The following PCLO variants were observed in gnomAD, a reference collection of about 807,000 sequenced individuals.
PCLO encodes protein piccolo.
In PCLO, 82 loss-of-function variants were observed where a neutral mutation model predicts 427.5. The ratio of observed to expected loss-of-function variants is 0.19; its 90% CI spans 0.16 to 0.23. The LOEUF (loss-of-function observed/expected upper bound fraction) is 0.23. PCLO is among the 10% of genes least tolerant of loss of function. PCLO has a pLI of 1.00. For synonymous variants in PCLO, 2,357 were observed against 2,155.4 expected (o/e 1.09, Z -2.59); for missense variants, 6,239 against 6,115.9 (o/e 1.02, Z -0.67).
chr7:82,930,948 T>C (rs1324182706), intron 6 of PCLO, among the ~76,000 whole-genome samples: 1 of 152,080 alleles, frequency 6.6e-6, no homozygotes, highest in Admixed American at 6.6e-5. Flanking sequence ...ATATGAAAAG[T>C]TATATCTGGC....
intron 3 of PCLO, among the ~76,000 whole-genome samples, chr7:82,986,140 G>A (rs1796250438): frequency 6.6e-6 from 1 of 151,812 alleles, no homozygotes; most frequent in Admixed American, 6.6e-5. Flanking sequence ...CAAGAAGGAT[G>A]AATGAGAAAA....
intron 3 of PCLO, among the ~76,000 whole-genome samples, chr7:83,109,207 C>T (rs1262163955): frequency 6.6e-6 from 1 of 152,108 alleles, no homozygotes; most frequent in Non-Finnish European, 1.5e-5. Flanking sequence ...AGAAAAAATG[C>T]CTACAATTTT....
chr7:82,805,706 A>C lies in PCLO; in HGVS notation c.14915T>G (p.Leu4972Arg). The change falls in exon 21 of 25, where the codon CTA (leucine) becomes CGA (arginine). Residue 4972 changes from leucine to arginine, a missense_variant. Physicochemically the swap from Leu to Arg is moderately radical, Grantham distance 102. Transcript: ENST00000333891. ...CACTTACATCCTCGGAATAGGAAAT[A>C]GATTAGTCTCCCCTGCAGTGCTGCT... ...GSSSTAGETN[L>R]FPIPRIGKMG... 1 of 1,613,024 alleles carries C rather than the reference A, an allele frequency of 6.2e-7. No homozygotes were observed. The highest frequency in any genetic ancestry group is 8.5e-7 in the Non-Finnish European group (1 of 1,179,508).
intron 22 of PCLO, among the ~76,000 whole-genome samples, chr7:82,784,693 T>C (rs573376130): frequency 6.6e-6 from 1 of 152,376 alleles, no homozygotes; most frequent in Non-Finnish European, 1.5e-5. Flanking sequence ...TGTATTTGTT[T>C]ACATGAATGT....
chr7:83,079,688 T>C (rs1162813599), intron 3 of PCLO, among the ~76,000 whole-genome samples: 1 of 152,056 alleles, frequency 6.6e-6, no homozygotes, highest in Non-Finnish European at 1.5e-5. Flanking sequence ...TTAAATAAAA[T>C]TACATAATGA....
At chr7:83,102,703 C>T (rs1300420253) in intron 3 of PCLO, among the ~76,000 whole-genome samples, 1 of 151,840 alleles carries the variant, frequency 6.6e-6, no homozygotes, top group Non-Finnish European at 1.5e-5. Context: ...AATCAATACA[C>T]ATTGGATACA....
chr7:82,862,566 CAAAA>C (rs36075501), intron 10 of PCLO, among the ~76,000 whole-genome samples: 2 of 92,232 alleles, frequency 2.2e-5, no homozygotes, highest in Non-Finnish European at 2.1e-5. Flanking sequence ...GACTCTGCCT[CAAAA>C]AAAAAAAAAA....
intron 3 of PCLO, among the ~76,000 whole-genome samples, chr7:82,983,563 T>C (rs1412291751): frequency 4.7e-5 from 7 of 150,030 alleles, no homozygotes; most frequent in Non-Finnish European, 1.0e-4. Context: ...ATATTACAGA[T>C]CTAGCTAAAA....
chr7:82,914,067 A>T (rs370248512), intron 7 of PCLO, among the ~76,000 whole-genome samples: 1 of 152,034 alleles, frequency 6.6e-6, no homozygotes, highest in South Asian at 2.1e-4. Context: ...CAAATTTGTA[A>T]ATAATAGTAT....
chr7:83,087,820 T>G (rs1485702207), intron 3 of PCLO, among the ~76,000 whole-genome samples: 3 of 152,200 alleles, frequency 2.0e-5, no homozygotes, highest in African/African-American at 7.2e-5. Context: ...ATTTGCTTAA[T>G]ATAGTTTTGA....
intron 3 of PCLO, among the ~76,000 whole-genome samples, chr7:83,122,286 C>CTTTTTTTTTTTTTTT (rs71074624): frequency 1.2e-4 from 16 of 128,266 alleles, no homozygotes; most frequent in South Asian, 2.4e-4. Context: ...CTTTTCTTTT[C>CTTTTTTTTTTTTTTT]TTTTTTTTTT....
At chr7:82,911,608 C>A (rs751761718) in intron 7 of PCLO, among the ~76,000 whole-genome samples, 79 of 151,918 alleles carry the variant, frequency 5.2e-4, no homozygotes, top group Non-Finnish European at 1.0e-3. Flanking sequence ...ACAGTATATA[C>A]TGGAGGACAT....
intron 10 of PCLO, among the ~76,000 whole-genome samples, chr7:82,874,114 T>G (rs536111552): frequency 2.6e-4 from 39 of 152,306 alleles, no homozygotes; most frequent in South Asian, 2.1e-3. Context: ...TTTTATTTGC[T>G]TCACACAATC....
intron 3 of PCLO, among the ~76,000 whole-genome samples, chr7:82,978,315 A>G (rs1699853693): frequency 6.6e-6 from 1 of 152,112 alleles, no homozygotes; most frequent in African/African-American, 2.4e-5. Flanking sequence ...TATGGGGCTA[A>G]TTGTTAAAAA....
intron 22 of PCLO, among the ~76,000 whole-genome samples, chr7:82,797,094 C>A (rs1056240797): frequency 6.6e-6 from 1 of 151,762 alleles, no homozygotes; most frequent in East Asian, 1.9e-4. Flanking sequence ...GAGAGTAGAG[C>A]CTAGCAAATT....
chr7:83,025,314 C>G (rs1341385547), intron 3 of PCLO, among the ~76,000 whole-genome samples: 1 of 150,926 alleles, frequency 6.6e-6, no homozygotes, highest in African/African-American at 2.4e-5. Flanking sequence ...AATGCAGAAG[C>G]CTCAGGAGCC....
intron 10 of PCLO, among the ~76,000 whole-genome samples, chr7:82,859,346 A>T (rs992877179): frequency 6.6e-6 from 1 of 152,200 alleles, no homozygotes; most frequent in South Asian, 2.1e-4. Context: ...AGTCACAGTG[A>T]TGTTGCCCAC....
intron 1 of PCLO, 27 bp from the exon 2 acceptor site, chr7:83,156,419 AATCAAGTG>A: frequency 7.7e-7 from 1 of 1,297,372 alleles, no homozygotes; most frequent in Non-Finnish European, 1.1e-6. Context: ...AAAAAAAAAA[AATCAAGTG>A]AAAATAATGG....
At position 82,915,375 on chromosome 7, in the gene PCLO, G is replaced by A. The variant is rs1721042658; in HGVS notation, c.12611C>T (p.Ser4204Leu). The A allele has an allele frequency of 1.2e-6, 2 of 1,613,424 alleles. No homozygotes were observed. Among genetic ancestry groups the A allele is most frequent in the South Asian group, 1.1e-5 (1 of 91,072 alleles). ...SLIDPKMSKFSPIQESRDLEP... is the reference protein window; with the variant it reads ...SLIDPKMSKFLPIQESRDLEP... ...AAGGTCTCTACTTTCTTGAATAGGTGAAAATTTTGACATTTTAGGGTCAAT... is the reference window on the plus strand; with the variant it reads ...AAGGTCTCTACTTTCTTGAATAGGTAAAAATTTTGACATTTTAGGGTCAAT... The change falls in exon 7 of 25, where the codon TCA (serine) becomes TTA (leucine). Residue 4204 changes from serine to leucine, a missense_variant. Transcript: ENST00000333891.
Sources: gnomAD v4.1 joint callset for allele counts (sites outside exome capture counted in the v4.1 genomes callset) on GRCh38, gnomAD v4.1.1 for gene constraint, MANE v1.5 for transcripts, NCBI Gene and HGNC (gene_info 2026-07-23, HGNC 2026-07-21) for gene names.